The following RAP1A variants were observed in gnomAD, a reference collection of about 807,000 sequenced individuals.
RAP1A encodes the protein RAP1A, member of RAS oncogene family.
Under a neutral mutation model 26.4 loss-of-function variants are expected in RAP1A, and 6 were observed. The ratio of observed to expected loss-of-function variants is 0.23; its 90% CI spans 0.12 to 0.45. The LOEUF (loss-of-function observed/expected upper bound fraction) is 0.45. Among genes scored for constraint, RAP1A ranks in the 20% least tolerant of loss-of-function variants. The pLI, the probability that RAP1A is intolerant of heterozygous loss-of-function variation, is 0.99. For synonymous variants in RAP1A, 73 were observed against 79.4 expected (o/e 0.92, Z 0.43); for missense variants, 121 against 217.2 (o/e 0.56, Z 2.78).
upstream of RAP1A, among the ~76,000 whole-genome samples, chr1:111,542,018 A>G (rs968299341): frequency 3.3e-5 from 5 of 152,122 alleles, no homozygotes; most frequent in Admixed American, 1.3e-4. Flanking sequence ...CATTCATTCC[A>G]TAAGCATTCC....
At chr1:111,662,418 ATTAAC>A (rs1165769203) in intron 1 of RAP1A, among the ~76,000 whole-genome samples, 1 of 139,616 alleles carries the variant, frequency 7.2e-6, no homozygotes, top group Non-Finnish European at 1.6e-5. Flanking sequence ...AAAAAAAAAA[ATTAAC>A]TTGATCAGGG....
At chr1:111,542,536 C>T (rs971964168) in intron 1 of RAP1A, 1 of 189,692 alleles carries the variant, frequency 5.3e-6, no homozygotes, top group East Asian at 1.4e-4. Context: ...TCATTTACAG[C>T]AGTACAGACT....
At chr1:111,648,914 T>C in intron 1 of RAP1A, 5 of 764,046 alleles carry the variant, frequency 6.5e-6, no homozygotes, top group East Asian at 2.7e-5. Context: ...CTTGTAGGCC[T>C]TTTACTTCCC....
intron 1 of RAP1A, among the ~76,000 whole-genome samples, chr1:111,597,290 T>G (rs1162630678): frequency 6.6e-6 from 1 of 152,212 alleles, no homozygotes; most frequent in Non-Finnish European, 1.5e-5. Context: ...TATGTTAGGC[T>G]TAGGAAGACA....
At chr1:111,678,954 T>C (rs1394419312) in intron 1 of RAP1A, among the ~76,000 whole-genome samples, 1 of 151,846 alleles carries the variant, frequency 6.6e-6, no homozygotes, top group Non-Finnish European at 1.5e-5. Flanking sequence ...GTGGTAAGAG[T>C]AGACATATTG....
intron 1 of RAP1A, among the ~76,000 whole-genome samples, chr1:111,543,768 G>A (rs1656934501): frequency 6.6e-6 from 1 of 151,538 alleles, no homozygotes; most frequent in Non-Finnish European, 1.5e-5. Flanking sequence ...AGATTGGACA[G>A]CTTCAAACAA....
At chr1:111,697,553 T>A (rs1661875138) in intron 4 of RAP1A, 56 bp downstream of exon 4, 5 of 1,601,920 alleles carry the variant, frequency 3.1e-6, no homozygotes, top group Non-Finnish European at 3.4e-6. Context: ...GGTTTTGTCA[T>A]CTGAGTAGGT....
At chr1:111,542,074 G>C (rs774609781), upstream of RAP1A, 3 of 200,914 alleles carry the variant, frequency 1.5e-5, no homozygotes, top group African/African-American at 2.8e-5. Flanking sequence ...ACTCAGGGTG[G>C]TGCAAAGAAG....
rs370098048 is a variant in RAP1A at position 111,672,393 on chromosome 1, A to G, written c.-27-18941A>G. Among the ~76,000 whole-genome samples, 23 of 152,336 alleles carry G rather than the reference A, an allele frequency of 1.5e-4. No homozygotes were observed. In the South Asian group the frequency reaches 4.6e-3, roughly 30 times the overall value. Reference sequence around the variant, plus strand: ...AGATTGTTATTTAGGATACTGCAAGAAATTCATAATGTCTTGGGTATAAAA... The same window carrying G: ...AGATTGTTATTTAGGATACTGCAAGGAATTCATAATGTCTTGGGTATAAAA... On this transcript the variant is annotated intron_variant, in intron 1 of 7. Transcript: ENST00000369709.
chr1:111,567,293 G>T (rs1470455073), intron 1 of RAP1A, among the ~76,000 whole-genome samples: 1 of 152,166 alleles, frequency 6.6e-6, no homozygotes, highest in Non-Finnish European at 1.5e-5. Flanking sequence ...ACACCAGCAG[G>T]ATGTGTAAGA....
chr1:111,586,714 G>T lies in RAP1A; in HGVS notation c.-28+44205G>T, dbSNP rs145128577. Among the ~76,000 whole-genome samples, 624 of 152,304 alleles carry T rather than the reference G, an allele frequency of 4.1e-3. 8 individuals carry two copies. The highest frequency in any genetic ancestry group is 0.014 in the African/African-American group (590 of 41,564). On this transcript the variant is annotated intron_variant, in intron 1 of 7. Coordinates refer to the RAP1A transcript ENST00000356415. Reference sequence around the variant, plus strand: ...AGCAAGCGTTCCCTAAATATTTGCAGGTTGTTGAAGGACTGAATGAAAGTA... The same window carrying T: ...AGCAAGCGTTCCCTAAATATTTGCATGTTGTTGAAGGACTGAATGAAAGTA...
At chr1:111,624,563 C>G (rs1377057264) in intron 1 of RAP1A, among the ~76,000 whole-genome samples, 1 of 152,104 alleles carries the variant, frequency 6.6e-6, no homozygotes, top group African/African-American at 2.4e-5. Context: ...ATAAGCTTAG[C>G]TTTGTTCATT....
At chr1:111,567,952 T>C (rs1359573052) in intron 1 of RAP1A, among the ~76,000 whole-genome samples, 3 of 152,200 alleles carry the variant, frequency 2.0e-5, no homozygotes, top group Non-Finnish European at 4.4e-5. Context: ...AGCAGACTAA[T>C]AAAGATCTTT....
At chr1:111,652,513 G>A (rs1009888702) in intron 1 of RAP1A, among the ~76,000 whole-genome samples, 4 of 151,674 alleles carry the variant, frequency 2.6e-5, no homozygotes, top group Non-Finnish European at 5.9e-5. Context: ...AGAATAATAT[G>A]TGACATAGGC....
At chr1:111,632,959 C>G (rs1659618629) in intron 1 of RAP1A, among the ~76,000 whole-genome samples, 1 of 149,708 alleles carries the variant, frequency 6.7e-6, no homozygotes, top group Admixed American at 6.6e-5. Context: ...CTGCAGCCTG[C>G]AGGGACCTTC....
At chr1:111,602,848 T>C (rs1658698118) in intron 1 of RAP1A, among the ~76,000 whole-genome samples, 1 of 152,178 alleles carries the variant, frequency 6.6e-6, no homozygotes, top group Admixed American at 6.5e-5. Flanking sequence ...TGAAGGGATA[T>C]ACCTAACACC....
chr1:111,631,480 T>C (rs761848652), intron 1 of RAP1A, among the ~76,000 whole-genome samples: 2 of 152,190 alleles, frequency 1.3e-5, no homozygotes, highest in Admixed American at 6.5e-5. Flanking sequence ...AAAGTAGATA[T>C]TGTTATTGTC....
chr1:111,622,239 A>G (rs1190715068), intron 1 of RAP1A, among the ~76,000 whole-genome samples: 3 of 152,186 alleles, frequency 2.0e-5, no homozygotes, highest in Non-Finnish European at 4.4e-5. Flanking sequence ...TCTCTCTTCT[A>G]TTCAAAACCC....
chr1:111,648,714 C>T, intron 1 of RAP1A: 1 of 579,758 alleles, frequency 1.7e-6, no homozygotes, highest in South Asian at 1.5e-5. Context: ...CTTAGCCTCT[C>T]CAGCCTCAGC....
Sources: gnomAD v4.1 joint callset for allele counts (sites outside exome capture counted in the v4.1 genomes callset) on GRCh38, gnomAD v4.1.1 for gene constraint, MANE v1.5 for transcripts, NCBI Gene and HGNC (gene_info 2026-07-23, HGNC 2026-07-21) for gene names.